TRA2A: variants seen among roughly 807,000 people sequenced by gnomAD.
TRA2A encodes transformer 2 alpha homolog.
A neutral mutation model predicts 45.7 loss-of-function variants in TRA2A; 31 were observed. The ratio of observed to expected loss-of-function variants is 0.68; its 90% confidence interval spans 0.51 to 0.92. The LOEUF is 0.92. Among genes scored for constraint, TRA2A ranks in the 40% least tolerant of loss-of-function variants. TRA2A has a pLI of 0.00. For missense variants in TRA2A, 304 were observed against 367.5 expected (o/e 0.83, Z 1.41); for synonymous variants, 132 against 126.2 (o/e 1.05, Z -0.31).
At chr7:23,513,488 G>A (rs193218041) in intron 3 of TRA2A, among the ~76,000 whole-genome samples, 389 of 152,140 alleles carry the variant, frequency 2.6e-3, no homozygotes, top group Non-Finnish European at 4.8e-3. Context: ...CATGGTGGCC[G>A]GCGCCTGTAA....
chr7:23,519,651 T>C lies in TRA2A; in HGVS notation c.170+2056A>G, dbSNP rs543381015. Among the ~76,000 whole-genome samples, 4 of 152,244 alleles carry C rather than the reference T, an allele frequency of 2.6e-5. No individual in the cohort carries two copies. In the East Asian group the frequency reaches 5.8e-4, roughly 22 times the overall value. On this transcript the variant is annotated intron_variant, in intron 2 of 7. Transcript: ENST00000297071. ...GATACTGCTAACTGTCCTCAGTAAT[T>C]CCCTACTTGAACCAGATCACCCATT...
chr7:23,505,642 T>C, intron 7 of TRA2A, 73 bp from the exon 8 acceptor site: 1 of 721,746 alleles, frequency 1.4e-6, no homozygotes, highest in South Asian at 1.9e-5. Flanking sequence ...CCTCATATTT[T>C]TCCAACTATT....
chr7:23,528,985 T>C (rs188906846), intron 1 of TRA2A, among the ~76,000 whole-genome samples: 2 of 152,254 alleles, frequency 1.3e-5, no homozygotes, highest in Admixed American at 1.3e-4. Context: ...AAAGAATCAT[T>C]AACCTCCATG....
intron 3 of TRA2A, 29 bp from the exon 4 acceptor site, chr7:23,513,111 C>T: frequency 2.0e-6 from 3 of 1,514,220 alleles, no homozygotes; most frequent in Non-Finnish European, 2.7e-6. Flanking sequence ...ATTTAAAACT[C>T]CAAATTAAAA....
intron 4 of TRA2A, among the ~76,000 whole-genome samples, chr7:23,510,867 C>T (rs1789569731): frequency 6.6e-6 from 1 of 151,570 alleles, no homozygotes; most frequent in South Asian, 2.1e-4. Context: ...ATAAGACTGA[C>T]AAATTAAGGC....
At chr7:23,518,319 C>G (rs1789979118) in intron 2 of TRA2A, among the ~76,000 whole-genome samples, 1 of 151,748 alleles carries the variant, frequency 6.6e-6, no homozygotes, top group Non-Finnish European at 1.5e-5. Flanking sequence ...ATTCAACAAC[C>G]ACCTAAATGC....
intron 2 of TRA2A, among the ~76,000 whole-genome samples, chr7:23,516,919 C>A (rs951065113): frequency 6.6e-6 from 1 of 151,584 alleles, no homozygotes; most frequent in Admixed American, 6.6e-5. Flanking sequence ...ACCATCCTGG[C>A]CAACATGTTG....
At chr7:23,506,706 A>G (rs1444770161) in intron 5 of TRA2A, among the ~76,000 whole-genome samples, 2 of 152,246 alleles carry the variant, frequency 1.3e-5, no homozygotes, top group Non-Finnish European at 2.9e-5. Context: ...CAAAGAGAAT[A>G]CCAAGGAATG....
At chr7:23,506,081 G>T in intron 6 of TRA2A, 57 bp downstream of exon 6, 1 of 1,435,140 alleles carries the variant, frequency 7.0e-7, no homozygotes, top group Non-Finnish European at 9.6e-7. Flanking sequence ...ACATAAAAGT[G>T]CCAAGTAACA....
intron 1 of TRA2A, among the ~76,000 whole-genome samples, chr7:23,528,267 T>C (rs1367047651): frequency 1.3e-5 from 2 of 152,204 alleles, no homozygotes; most frequent in Non-Finnish European, 2.9e-5. Flanking sequence ...TGGAGTGCAG[T>C]GGCCGACCTC....
At chr7:23,515,912 C>T (rs1331849865) in intron 3 of TRA2A, among the ~76,000 whole-genome samples, 2 of 151,740 alleles carry the variant, frequency 1.3e-5, no homozygotes, top group Non-Finnish European at 2.9e-5. Flanking sequence ...TGGTAGCTCA[C>T]GCCTGTAACC....
chr7:23,531,947 C>A lies in TRA2A; in HGVS notation c.-123G>T. 2.9e-6 allele frequency: 3 copies of A among 1,047,586 alleles called. No homozygotes were observed. The highest frequency in any genetic ancestry group is 1.4e-5 in the South Asian group (1 of 73,834). The allele number at this position is 1,047,586 out of a possible 1,614,324, so 64.9% of individuals were successfully genotyped here. The stretch of plus-strand genomic sequence containing the variant: ...AGAGTCGGCAACCACAGCCGCTCCA[C>A]TCCACTCCCACTCGGTCGCAGGCTC... On this transcript the variant is annotated 5_prime_UTR_variant, in exon 1 of 8. Coordinates refer to ENST00000297071, the MANE Select transcript of TRA2A (RefSeq NM_013293.5).
intron 2 of TRA2A, among the ~76,000 whole-genome samples, chr7:23,520,398 G>C (rs753018009): frequency 3.9e-5 from 6 of 152,174 alleles, no homozygotes; most frequent in Non-Finnish European, 8.8e-5. Context: ...CAAATGCAAA[G>C]GCCCTAAGGC....
chr7:23,530,001 AAAGC>A (rs966056107), intron 1 of TRA2A, among the ~76,000 whole-genome samples: 7 of 151,772 alleles, frequency 4.6e-5, no homozygotes, highest in Admixed American at 4.6e-4. Context: ...AAAAAGAAAA[AAAGC>A]AAGCAAACAA....
chr7:23,516,276 G>T, intron 3 of TRA2A, 87 bp downstream of exon 3: 1 of 1,379,786 alleles, frequency 7.2e-7, no homozygotes, highest in Non-Finnish European at 1.0e-6. Flanking sequence ...TCTAAACAAT[G>T]GCCAAGCTCC....
chr7:23,505,964 G>C, intron 6 of TRA2A, 151 bp from the exon 7 acceptor site: 1 of 708,596 alleles, frequency 1.4e-6, no homozygotes, highest in East Asian at 2.6e-5. Flanking sequence ...GACCAGAAAA[G>C]TATATAGCAC....
At chr7:23,516,608 T>G in intron 2 of TRA2A, 80 bp from the exon 3 acceptor site, 1 of 1,249,686 alleles carries the variant, frequency 8.0e-7, no homozygotes, top group African/African-American at 1.5e-5. Context: ...GGTATACATA[T>G]ATCCCTAACT....
chr7:23,509,080 A>C (rs991944374), intron 4 of TRA2A, among the ~76,000 whole-genome samples: 1 of 151,776 alleles, frequency 6.6e-6, no homozygotes, highest in Non-Finnish European at 1.5e-5. Flanking sequence ...TCCTGGGCTC[A>C]AGTAAATCCT....
intron 7 of TRA2A, 45 bp downstream of exon 7, chr7:23,505,701 A>ATTACT: frequency 7.8e-7 from 1 of 1,287,804 alleles, no homozygotes; most frequent in Non-Finnish European, 1.1e-6. Context: ...TAAGCCATTA[A>ATTACT]TTAGAAATGA....
Sources: allele counts gnomAD v4.1 joint callset (sites outside exome capture counted in the v4.1 genomes callset), GRCh38; gene constraint gnomAD v4.1.1; transcripts MANE v1.5; gene names NCBI Gene and HGNC (gene_info 2026-07-23, HGNC 2026-07-21).